ATP6V1C2: variants seen among roughly 807,000 people sequenced by gnomAD.
ATP6V1C2 encodes the protein ATPase H+ transporting V1 subunit C2.
Under a neutral mutation model 56.8 loss-of-function variants are expected in ATP6V1C2, and 45 were observed. The ratio of observed to expected loss-of-function variants is 0.79; its 90% CI spans 0.62 to 1.02. The LOEUF is 1.02. Ranked by LOEUF, ATP6V1C2 falls within the 50% of genes least tolerant of loss-of-function variation. ATP6V1C2 has a pLI of 0.00. For missense variants in ATP6V1C2, 463 were observed against 519.7 expected, an observed-to-expected ratio of 0.89 and a Z score of 1.06; for synonymous variants, 220 against 201.3, an observed-to-expected ratio of 1.09 and a Z score of -0.79.
chr2:10,731,317 A>G (rs1661940229), intron 3 of ATP6V1C2, among the ~76,000 whole-genome samples: 1 of 152,312 alleles, frequency 6.6e-6, no homozygotes, highest in African/African-American at 2.4e-5. Context: ...GTCTGCTCTC[A>G]GACGAATGAA....
At chr2:10,749,332 CA>C (rs1040126118) in intron 3 of ATP6V1C2, among the ~76,000 whole-genome samples, 1 of 150,338 alleles carries the variant, frequency 6.7e-6, no homozygotes, top group Non-Finnish European at 1.5e-5. Context: ...CTGGCCCTAC[CA>C]AAAAAAAGTT....
intron 3 of ATP6V1C2, 49 bp downstream of exon 3, chr2:10,726,618 G>A (rs368938552): frequency 6.6e-7 from 1 of 1,506,604 alleles, no homozygotes; most frequent in Non-Finnish European, 9.2e-7. Flanking sequence ...TGACATTGTT[G>A]TCAGAGGACA....
In ATP6V1C2 at chr2:10,784,468, C is replaced by A; in HGVS notation, c.*1205C>A. On this transcript the variant is annotated 3_prime_UTR_variant, in exon 14 of 14. Coordinates refer to ENST00000272238, the MANE Select transcript of ATP6V1C2 (RefSeq NM_001039362.2). ...TCCTCAGTCTGACTCCTACCCTGAC[C>A]TTCGTACCTATGATTATACGGATGG... 1.7e-6 allele frequency: 1 copy of A among 600,078 alleles called. No individual in the cohort carries two copies. Among genetic ancestry groups the A allele is most frequent in the South Asian group, 2.2e-5 (1 of 44,608 alleles). 37.2% of individuals were successfully genotyped at this position (600,078 alleles called of 1,614,324 possible).
At chr2:10,778,439 C>T in intron 11 of ATP6V1C2, 133 bp from the exon 12 acceptor site, 4 of 791,076 alleles carry the variant, frequency 5.1e-6, no homozygotes, top group South Asian at 4.9e-5. Context: ...GCTGGTCTGA[C>T]CGACTCTCTG....
At chr2:10,731,185 G>A (rs1661932808) in intron 3 of ATP6V1C2, among the ~76,000 whole-genome samples, 1 of 151,962 alleles carries the variant, frequency 6.6e-6, no homozygotes, top group Non-Finnish European at 1.5e-5. Flanking sequence ...CTGGGCTCTA[G>A]CAATCCTCCC....
intron 3 of ATP6V1C2, among the ~76,000 whole-genome samples, chr2:10,745,041 C>CTTTTTTTTTTTTTTTTTTT (rs5829274): frequency 2.5e-4 from 28 of 113,292 alleles, no homozygotes; most frequent in Non-Finnish European, 3.4e-4. Flanking sequence ...TATTTATTTT[C>CTTTTTTTTTTTTTTTTTTT]TTTTTTTTTT....
In ATP6V1C2 at chr2:10,726,560, T is replaced by A; in HGVS notation, c.188T>A (p.Phe63Tyr). 1 of 1,613,446 alleles carries A rather than the reference T, an allele frequency of 6.2e-7. No individual in the cohort carries two copies. Residue 63 changes from phenylalanine (F) to tyrosine (Y), a missense_variant, in exon 3 of 14, where the codon TTT becomes TAT. Coordinates refer to ENST00000272238, the MANE Select transcript of ATP6V1C2 (RefSeq NM_001039362.2). The stretch of plus-strand genomic sequence containing the variant: ...GATGAGTTGGGGAAACTCGACACCT[T>A]TGCTGAAAGGTAAAATATTCCTTAT... ...LSDELGKLDTFAESLIRRMAQ... is the reference protein window; with the variant it reads ...LSDELGKLDTYAESLIRRMAQ...
At chr2:10,733,808 C>T (rs1212484701) in intron 3 of ATP6V1C2, among the ~76,000 whole-genome samples, 1 of 152,140 alleles carries the variant, frequency 6.6e-6, no homozygotes, top group Non-Finnish European at 1.5e-5. Flanking sequence ...CGTTGCTTGC[C>T]CCTAAGTGCT....
chr2:10,738,376 AGCCAGC>A (rs1480141047), intron 3 of ATP6V1C2, among the ~76,000 whole-genome samples: 1 of 152,230 alleles, frequency 6.6e-6, no homozygotes, highest in Non-Finnish European at 1.5e-5. Context: ...CCAGAAGTCC[AGCCAGC>A]AGGGGAGGAA....
chr2:10,753,905 T>C (rs1663364718), intron 3 of ATP6V1C2, 76 bp from the exon 4 acceptor site: 1 of 1,350,514 alleles, frequency 7.4e-7, no homozygotes, highest in Non-Finnish European at 1.0e-6. Context: ...CAGCTACTTT[T>C]CCTGCCAGCA....
rs183831302 is a variant in ATP6V1C2 at position 10,756,973 on chromosome 2, A to G, written c.283+2907A>G. Among the ~76,000 whole-genome samples the G allele has an allele frequency of 5.2e-5, 7 of 135,148 alleles. No homozygotes were observed. In the South Asian group the frequency reaches 7.2e-4, roughly 14 times the overall value. 88.7% of individuals were successfully genotyped at this position (135,148 alleles called of 152,430 possible). ...TTTGTTATAAATATAACATATATTT[A>G]TAGTTTTCCCTCTTGAAAACATGAG... On this transcript the variant is annotated intron_variant, in intron 4 of 13. Coordinates refer to ENST00000272238, the MANE Select transcript of ATP6V1C2 (RefSeq NM_001039362.2).
Position 10,780,757 on chromosome 2 carries a change from T to TG in ATP6V1C2, c.1062-1486_1062-1485insG. Among the ~76,000 whole-genome samples the TG allele has an allele frequency of 6.6e-6, 1 of 151,964 alleles. No homozygotes were observed. The highest frequency in any genetic ancestry group is 2.4e-5 in the African/African-American group (1 of 41,458). ...CAGCCGCTCCTGGGGTCCTTTTTTT[T>TG]TTTTTTGAGATGGACTCTTGCTGTC... On this transcript the variant is annotated intron_variant, in intron 12 of 13. Transcript: ENST00000272238. The surrounding 1 kb of genome is among the most constrained non-coding windows in gnomAD (Gnocchi z 4.1).
intron 5 of ATP6V1C2, among the ~76,000 whole-genome samples, 162 bp downstream of exon 5, chr2:10,764,587 G>T (rs1464886290): frequency 1.3e-5 from 2 of 152,226 alleles, no homozygotes; most frequent in Non-Finnish European, 2.9e-5. Context: ...GGGGTTTCAG[G>T]GCAGCCCTGG....
Position 10,763,961 on chromosome 2 carries a change from A to G in ATP6V1C2, c.284-370A>G, listed in dbSNP as rs574985895. ...AGAAAAGAAAAAAAGGAAATGCTTG[A>G]AAACACTGGTGTGGTCTGTTCCCCA... On this transcript the variant is annotated intron_variant, in intron 4 of 13. Transcript: ENST00000272238. The surrounding 1 kb of genome is among the most constrained non-coding windows in gnomAD (Gnocchi z 4.2). Among the ~76,000 whole-genome samples the G allele has an allele frequency of 7.9e-5, 12 of 152,356 alleles. No individual in the cohort carries two copies. The South Asian group carries it at 1.7e-3, about 21-fold the overall frequency.
upstream of ATP6V1C2, among the ~76,000 whole-genome samples, chr2:10,721,174 C>T (rs1047535113): frequency 1.3e-5 from 2 of 152,184 alleles, no homozygotes; most frequent in East Asian, 1.9e-4. Flanking sequence ...CGGCTCCCCA[C>T]AGGTGGGCCC....
At chr2:10,750,340 A>G (rs1364816552) in intron 3 of ATP6V1C2, among the ~76,000 whole-genome samples, 1 of 152,140 alleles carries the variant, frequency 6.6e-6, no homozygotes, top group Non-Finnish European at 1.5e-5. Context: ...AGCATGGTGC[A>G]ATCCTGTCTC....
chr2:10,775,214 T>A (rs978074184), intron 10 of ATP6V1C2, 143 bp downstream of exon 10: 2 of 680,724 alleles, frequency 2.9e-6, no homozygotes, highest in Non-Finnish European at 2.5e-6. Context: ...TCTGTTCTCA[T>A]GGGACGCCTG....
chr2:10,752,856 T>C (rs954872517), intron 3 of ATP6V1C2, among the ~76,000 whole-genome samples: 7 of 151,922 alleles, frequency 4.6e-5, no homozygotes, highest in African/African-American at 7.3e-5. Flanking sequence ...ATTAGCTGGG[T>C]GTCGTGGTGG....
intron 3 of ATP6V1C2, among the ~76,000 whole-genome samples, chr2:10,739,032 G>A (rs1463015787): frequency 6.6e-6 from 1 of 152,144 alleles, no homozygotes; most frequent in Non-Finnish European, 1.5e-5. Flanking sequence ...CAGCCAGAGT[G>A]ATCTTTTTAA....
Sources: allele counts gnomAD v4.1 joint callset (sites outside exome capture counted in the v4.1 genomes callset), GRCh38; gene constraint gnomAD v4.1.1; non-coding constraint Gnocchi (gnomAD v3.1); transcripts MANE v1.5; gene names NCBI Gene and HGNC (gene_info 2026-07-23, HGNC 2026-07-21).